ZNF347: variants seen among roughly 807,000 people sequenced by gnomAD.
ZNF347 encodes CTD-2620I22.7.
ZNF347 carries 19 observed loss-of-function variants against 12.9 expected under a neutral mutation model. That is an observed-to-expected ratio of 1.47 (90% confidence interval 1.03 to 2.16). The LOEUF (loss-of-function observed/expected upper bound fraction) is 2.16, where lower values mean the gene tolerates loss of function less well. ZNF347 is among the 30% of genes most tolerant of loss of function. The probability of loss-of-function intolerance (pLI) is 0.00; values close to 1 mark genes in which losing one functional copy is unlikely to be tolerated. For synonymous variants in ZNF347, 328 were observed against 340.6 expected (o/e 0.96, Z 0.41); for missense variants, 1,005 against 990.6 (o/e 1.01, Z -0.19).
rs1212356604 is a variant in ZNF347 at position 53,136,541 on chromosome 19, T to C, written c.*3767A>G. 1 of 149,390 alleles carries C rather than the reference T, an allele frequency of 6.7e-6. No homozygotes were observed. The highest frequency in any genetic ancestry group is 1.5e-5 in the Non-Finnish European group (1 of 67,594). 9.3% of individuals were successfully genotyped at this position (149,390 alleles called of 1,614,324 possible). ...TGAGGCCAAGAGTTCAAGACCAACC[T>C]GGCCAACATAGCGAGACCCCACGTC... On this transcript the variant is annotated 3_prime_UTR_variant, in exon 5 of 5. Coordinates refer to ENST00000334197, the MANE Select transcript of ZNF347 (RefSeq NM_032584.3).
rs766029192 is a variant in ZNF347, at chr19:53,141,709, G to C, written c.1119C>G (p.Tyr373Ter). The C allele has an allele frequency of 6.2e-7, 1 of 1,613,522 alleles. No individual in the cohort carries two copies. The highest frequency in any genetic ancestry group is 8.5e-7 in the Non-Finnish European group (1 of 1,179,866). ...AGGCTTTCCCACACTCATTACACTT[G>C]TAAGGTTTCTCTCCAGTATGAATTC... is the stretch of plus-strand genomic sequence containing the variant. ...HRGIHTGEKP[Y>*]KCNECGKAFR... Residue 373 changes from tyrosine to a stop codon, truncating the protein, a stop_gained, in exon 5 of 5, where the codon TAC (tyrosine) becomes TAG (stop). Coordinates refer to ENST00000334197, the MANE Select transcript of ZNF347 (RefSeq NM_032584.3). LOFTEE classifies it low-confidence loss of function (END_TRUNC).
At position 53,139,575 on chromosome 19, in the gene ZNF347, T is replaced by C. The variant is rs991138409; in HGVS notation, c.*733A>G. 8 of 152,234 alleles carry C rather than the reference T, an allele frequency of 5.3e-5. No homozygotes were observed. The highest frequency in any genetic ancestry group is 8.8e-5 in the Non-Finnish European group (6 of 68,034). 9.4% of individuals were successfully genotyped at this position (152,234 alleles called of 1,614,324 possible). A position where few individuals can be genotyped will look rare whatever the true frequency, so the allele number is the denominator to read the frequency against. On this transcript the variant is annotated 3_prime_UTR_variant, in exon 5 of 5. Transcript: ENST00000334197. ...CAAATGTCCTTTGACCTTTGAAATA[T>C]ATAATGTCTTAAGTTTTACCATATT...
rs892874735 is a variant in ZNF347, at chr19:53,137,863, A to G, written c.*2445T>C. The stretch of plus-strand genomic sequence containing the variant: ...TCGCCCAGGCTGGAGTGCAGTGGCA[A>G]TCTCGGCTCACTGCAACCTCCACCT... On this transcript the variant is annotated 3_prime_UTR_variant, in exon 5 of 5. Coordinates refer to ENST00000334197, the MANE Select transcript of ZNF347 (RefSeq NM_032584.3). 4.0e-5 allele frequency: 6 copies of G among 151,342 alleles called. No individual in the cohort carries two copies. Among genetic ancestry groups the G allele is most frequent in the Non-Finnish European group, 1.5e-5 (1 of 67,832 alleles). 9.4% of individuals were successfully genotyped at this position (151,342 alleles called of 1,614,324 possible).
At chr19:53,149,912 C>T (rs1404578793) in intron 2 of ZNF347, among the ~76,000 whole-genome samples, 1 of 152,168 alleles carries the variant, frequency 6.6e-6, no homozygotes, top group Non-Finnish European at 1.5e-5. Flanking sequence ...ACCACCACGC[C>T]ATGCTCCTTC....
intron 1 of ZNF347, among the ~76,000 whole-genome samples, chr19:53,156,605 G>C (rs1202971903): frequency 1.3e-5 from 2 of 152,134 alleles, no homozygotes; most frequent in Non-Finnish European, 2.9e-5. Flanking sequence ...CTGTTCATCT[G>C]TATCTTCTGT....
In ZNF347 at chr19:53,140,233, A is replaced by C; in HGVS notation, c.*75T>G. On this transcript the variant is annotated 3_prime_UTR_variant, in exon 5 of 5. Coordinates refer to ENST00000334197, the MANE Select transcript of ZNF347 (RefSeq NM_032584.3). ...CATTTTCAAGGAATCTCTCAGGCAT[A>C]AATTCTCTGACGTTGTCAAAGGAAT... 7.3e-7 allele frequency: 1 copy of C among 1,378,452 alleles called. No homozygotes were observed. The highest frequency in any genetic ancestry group is 9.9e-7 in the Non-Finnish European group (1 of 1,010,762). 85.4% of individuals were successfully genotyped at this position (1,378,452 alleles called of 1,614,324 possible).
At chr19:53,152,492 A>G (rs2090505068) in intron 2 of ZNF347, among the ~76,000 whole-genome samples, 1 of 152,104 alleles carries the variant, frequency 6.6e-6, no homozygotes, top group Non-Finnish European at 1.5e-5. Context: ...CTGTAGTCCC[A>G]GCTACTTTGG....
Position 53,142,069 on chromosome 19 carries a change from T to G in ZNF347, c.759A>C (p.Lys253Asn), listed in dbSNP as rs1181498255. Residue 253 changes from lysine (K) to asparagine (N), a missense_variant, in exon 5 of 5, where the codon AAA becomes AAC. Transcript: ENST00000334197. The stretch of plus-strand genomic sequence containing the variant: ...TGTAAGGGCTTCCCCAATTATTTGC[T>G]TTTTGCCCCTGTGTGAGTAATAAAG... ...ISSLLLTQGQ[K>N]ANNWGSPYKS... 6.2e-7 allele frequency: 1 copy of G among 1,613,010 alleles called. No homozygotes were observed. The highest frequency in any genetic ancestry group is 8.5e-7 in the Non-Finnish European group (1 of 1,179,748).
intron 4 of ZNF347, among the ~76,000 whole-genome samples, chr19:53,144,557 C>G (rs1243523911): frequency 6.6e-6 from 1 of 151,722 alleles, no homozygotes; most frequent in East Asian, 1.9e-4. Context: ...AGGCAGAAAA[C>G]CAATAAAAAA....
At chr19:53,151,660 T>C (rs2090499031) in intron 2 of ZNF347, among the ~76,000 whole-genome samples, 2 of 152,068 alleles carry the variant, frequency 1.3e-5, no homozygotes, top group East Asian at 3.9e-4. Context: ...ATTACATATA[T>C]ACACACATCT....
Position 53,148,786 on chromosome 19 carries a change from T to C in ZNF347, c.166A>G (p.Ile56Val), listed in dbSNP as rs1238297160. 6.2e-7 allele frequency: 1 copy of C among 1,613,554 alleles called. No individual in the cohort carries two copies. Among genetic ancestry groups the C allele is most frequent in the East Asian group, 2.2e-5 (1 of 44,870 alleles). The change falls in exon 4 of 5, where the codon ATT becomes GTT. Residue 56 changes from isoleucine to valine, a missense_variant. By Grantham distance (29) the Ile-to-Val change is conservative (BLOSUM62 3). Transcript: ENST00000334197. ...TTCCCTTGCTCCAACATAGAGATAA[T>C]ACTGAGGTCAAAACAAGAGATTCCT... ...SLGISCFDLS[I>V]ISMLEQGKEP...
Position 53,141,780 on chromosome 19 carries a change from A to T in ZNF347, c.1048T>A (p.Cys350Ser). ...GAATTCTGAGTGAAGACCTTGCCAC[A>T]TTCGTTACATTTATAAGGTTTCTCT... is the stretch of plus-strand genomic sequence containing the variant. ...TGEKPYKCNE[C>S]GKVFTQNSHL... Residue 350 changes from cysteine (C) to serine (S), a missense_variant, in exon 5 of 5, where the codon TGT becomes AGT. By Grantham distance (112) the Cys-to-Ser change is moderately radical (BLOSUM62 -1). Transcript: ENST00000334197. 6.2e-7 allele frequency: 1 copy of T among 1,613,684 alleles called. No individual in the cohort carries two copies. The highest frequency in any genetic ancestry group is 8.5e-7 in the Non-Finnish European group (1 of 1,179,852).
rs766536056 is a variant in ZNF347 at position 53,140,343 on chromosome 19, C to CT, written c.2484dup (p.Glu829ArgfsTer27). The CT allele has an allele frequency of 1.3e-6, 2 of 1,573,088 alleles. No homozygotes were observed. The highest frequency in any genetic ancestry group is 1.7e-6 in the Non-Finnish European group (2 of 1,163,134). ...TGTGATGGCTTGCAAGGTTTGAACT[C>CT]TGACTTTAGAACTTTCCACACGTTA... On this transcript the variant is annotated frameshift_variant, in exon 5 of 5. Coordinates refer to ENST00000334197, the MANE Select transcript of ZNF347 (RefSeq NM_032584.3). LOFTEE classifies it low-confidence loss of function (END_TRUNC).
chr19:53,152,499 T>C (rs941135684), intron 2 of ZNF347, among the ~76,000 whole-genome samples: 1 of 151,796 alleles, frequency 6.6e-6, no homozygotes, highest in Non-Finnish European at 1.5e-5. Context: ...CCCAGCTACT[T>C]TGGAGGCTAA....
At chr19:53,143,151 CT>C (rs552341950) in intron 4 of ZNF347, among the ~76,000 whole-genome samples, 171 of 152,072 alleles carry the variant, frequency 1.1e-3, no homozygotes, top group African/African-American at 3.9e-3. Flanking sequence ...GTTTTAGTTT[CT>C]TTTTTTGCAA....
intron 2 of ZNF347, among the ~76,000 whole-genome samples, chr19:53,152,158 C>A (rs573049673): frequency 1.3e-5 from 2 of 150,286 alleles, no homozygotes; most frequent in East Asian, 3.9e-4. Context: ...GTCACATATA[C>A]ACAGTTTAGT....
intron 2 of ZNF347, among the ~76,000 whole-genome samples, chr19:53,152,876 G>A (rs1002841372): frequency 6.0e-5 from 9 of 151,214 alleles, no homozygotes; most frequent in Non-Finnish European, 7.4e-5. Flanking sequence ...CTTGCATTGG[G>A]CTGAGATCAT....
In ZNF347 at chr19:53,153,594, G is replaced by A. The variant is rs2090512706; in HGVS notation, c.15+139C>T. On this transcript the variant is annotated intron_variant, in intron 2 of 4. Transcript: ENST00000334197. Reference sequence around the variant, plus strand: ...GATGGAATCTAAGTGAGATGAGAGGGACTGAGGGAAGGCACGCGTAAGTGC... The same window carrying A: ...GATGGAATCTAAGTGAGATGAGAGGAACTGAGGGAAGGCACGCGTAAGTGC... 5 of 1,450,036 alleles carry A rather than the reference G, an allele frequency of 3.4e-6. No individual in the cohort carries two copies. The South Asian group carries it at 3.5e-5, about 10-fold the overall frequency. 89.8% of individuals were successfully genotyped at this position (1,450,036 alleles called of 1,614,324 possible). A position where few individuals can be genotyped will look rare whatever the true frequency, so the allele number is the denominator to read the frequency against.
intron 1 of ZNF347, among the ~76,000 whole-genome samples, chr19:53,156,406 GAA>G (rs879355146): frequency 4.0e-5 from 5 of 125,036 alleles, no homozygotes; most frequent in Non-Finnish European, 8.7e-5. Context: ...GTTTCAAAAA[GAA>G]AAAAAAAAAA....
Sources: allele counts gnomAD v4.1 joint callset (sites outside exome capture counted in the v4.1 genomes callset), GRCh38; gene constraint gnomAD v4.1.1; transcripts MANE v1.5; gene names NCBI Gene and HGNC (gene_info 2026-07-23, HGNC 2026-07-21).